Variants in POLA1 observed in about 807,000 individuals in gnomAD.
The protein encoded by POLA1 is DNA polymerase alpha 1, catalytic subunit.
A neutral mutation model predicts 124.0 loss-of-function variants in POLA1; 15 were observed. The observed-to-expected ratio is 0.12, with a 90% CI of 0.08 to 0.19. The LOEUF (loss-of-function observed/expected upper bound fraction) is 0.19. Ranked by LOEUF, POLA1 falls within the 10% of genes least tolerant of loss-of-function variation. The pLI is 1.00. For synonymous variants in POLA1, 408 were observed against 389.4 expected (o/e 1.05, Z -0.56); for missense variants, 886 against 1,103.4 (o/e 0.80, Z 2.79).
chrX:24,869,209 C>T (rs780945625), intron 34 of POLA1, among the ~76,000 whole-genome samples: 1 of 112,840 alleles, frequency 8.9e-6, no homozygotes, highest in Non-Finnish European at 1.9e-5. Context: ...GCTGGGATTA[C>T]AGGCATGAGC....
chrX:24,730,522 A>G (rs1392560353), intron 15 of POLA1, among the ~76,000 whole-genome samples: 3 of 112,465 alleles, frequency 2.7e-5, no homozygotes, highest in Non-Finnish European at 5.6e-5. Flanking sequence ...CTGGGATTAC[A>G]GGCGTGAGCT....
intron 34 of POLA1, among the ~76,000 whole-genome samples, chrX:24,859,360 C>T (rs969813510): frequency 2.7e-5 from 3 of 111,384 alleles, no homozygotes; most frequent in African/African-American, 6.5e-5. Flanking sequence ...ATCTGCCTGC[C>T]GCACTGGAGA....
Position 24,844,903 on chromosome X carries a change from G to A in POLA1, c.4047+1226G>A, listed in dbSNP as rs920532749. 4.5e-5 allele frequency among the ~76,000 whole-genome samples: 5 copies of A among 111,305 alleles called. No individual in the cohort carries two copies. In the Admixed American group the frequency reaches 4.8e-4, roughly 11 times the overall value. On this transcript the variant is annotated intron_variant, in intron 34 of 36. Transcript: ENST00000379068. Reference sequence around the variant, plus strand: ...AAACTATTCAGCTCCTCATTTACAGGCCTCATTGAACAGAGTATGATCCTT... The same window carrying A: ...AAACTATTCAGCTCCTCATTTACAGACCTCATTGAACAGAGTATGATCCTT...
intron 15 of POLA1, among the ~76,000 whole-genome samples, chrX:24,730,738 AG>A (rs1472893360): frequency 8.9e-6 from 1 of 112,486 alleles, no homozygotes; most frequent in East Asian, 2.8e-4. Flanking sequence ...GGACAATGTG[AG>A]GGTAAGAATA....
chrX:24,838,903 TGAA>T (rs2046375468), intron 32 of POLA1, among the ~76,000 whole-genome samples: 1 of 112,235 alleles, frequency 8.9e-6, no homozygotes, highest in African/African-American at 3.3e-5. Flanking sequence ...TAAAGTCTAC[TGAA>T]ACTTCGAAAT....
At chrX:24,783,230 A>G (rs772670511) in intron 26 of POLA1, among the ~76,000 whole-genome samples, 4 of 111,768 alleles carry the variant, frequency 3.6e-5, no homozygotes, top group East Asian at 2.8e-4. Context: ...ATCACTGTCC[A>G]TATATCCACC....
chrX:24,836,403 A>G (rs1476540814), intron 32 of POLA1, among the ~76,000 whole-genome samples: 1 of 111,947 alleles, frequency 8.9e-6, no homozygotes. Context: ...CTAGGCCATC[A>G]GGGACATGTA....
chrX:24,728,444 A>T (rs151272898), intron 15 of POLA1, among the ~76,000 whole-genome samples: 19 of 111,985 alleles, frequency 1.7e-4, no homozygotes, highest in African/African-American at 6.2e-4. Context: ...CCATACTTAC[A>T]TGACTCTGTC....
chrX:24,918,812 G>A (rs889386267), intron 35 of POLA1, among the ~76,000 whole-genome samples: 3 of 110,610 alleles, frequency 2.7e-5, no homozygotes, highest in Non-Finnish European at 5.7e-5. Context: ...GAGATCGCAT[G>A]GTGAGAGAAG....
At chrX:24,994,456 T>C (rs1393260635) in intron 36 of POLA1, among the ~76,000 whole-genome samples, 1 of 112,657 alleles carries the variant, frequency 8.9e-6, no homozygotes, top group East Asian at 2.8e-4. Flanking sequence ...GTTTCCTTCC[T>C]GACCGGTTCC....
At chrX:24,877,595 A>G (rs1319147525) in intron 34 of POLA1, among the ~76,000 whole-genome samples, 1 of 111,908 alleles carries the variant, frequency 8.9e-6, no homozygotes, top group Non-Finnish European at 1.9e-5. Context: ...AAGGTTTGTC[A>G]CCATGATGAT....
chrX:24,781,617 ATTG>A (rs771000925), intron 26 of POLA1, among the ~76,000 whole-genome samples: 1 of 111,716 alleles, frequency 9.0e-6, no homozygotes, highest in South Asian at 3.8e-4. Flanking sequence ...AGTGGGAGAA[ATTG>A]TTGTCACTTT....
At position 24,779,835 on chromosome X, in the gene POLA1, G is replaced by C. The variant is rs1216368094; in HGVS notation, c.2965-30063G>C. Among the ~76,000 whole-genome samples the C allele has an allele frequency of 5.4e-5, 6 of 112,100 alleles. No individual in the cohort carries two copies. In the Admixed American group the frequency reaches 5.6e-4, roughly 11 times the overall value. ...AAAGTCACACAACTAGTAATGAGTA[G>C]AGCCAGGATGCAAATCCAGTCATTT... On this transcript the variant is annotated intron_variant, in intron 26 of 36. Transcript: ENST00000379068.
intron 4 of POLA1, among the ~76,000 whole-genome samples, chrX:24,708,921 G>GC (rs1442262872): frequency 7.2e-5 from 3 of 41,930 alleles, no homozygotes; most frequent in African/African-American, 1.7e-4. Flanking sequence ...AGACGGGGTG[G>GC]TGGCCGGGCA....
chrX:24,845,020 T>C (rs984639164), intron 34 of POLA1, among the ~76,000 whole-genome samples: 1 of 112,013 alleles, frequency 8.9e-6, no homozygotes, highest in Non-Finnish European at 1.9e-5. Context: ...AAGAAACTTA[T>C]CTATTTCCTT....
At chrX:24,969,164 C>G (rs748207487) in intron 36 of POLA1, among the ~76,000 whole-genome samples, 5 of 107,790 alleles carry the variant, frequency 4.6e-5, no homozygotes, top group African/African-American at 1.4e-4. Context: ...GCCAAGATCG[C>G]GCCACTGCAC....
chrX:24,835,928 A>C (rs970550041), intron 32 of POLA1, among the ~76,000 whole-genome samples: 2 of 111,664 alleles, frequency 1.8e-5, no homozygotes, highest in African/African-American at 6.5e-5. Context: ...ACATGCATAC[A>C]GAAAAGTACA....
intron 24 of POLA1, among the ~76,000 whole-genome samples, chrX:24,746,020 A>G (rs1357090937): frequency 9.0e-6 from 1 of 111,533 alleles, no homozygotes; most frequent in East Asian, 2.8e-4. Context: ...GTGTAGGTGT[A>G]TACACATACA....
At chrX:24,892,455 T>G (rs755185659) in intron 35 of POLA1, among the ~76,000 whole-genome samples, 43 of 111,606 alleles carry the variant, frequency 3.9e-4, no homozygotes, top group African/African-American at 1.3e-3. Flanking sequence ...ATACTGGTGA[T>G]AGAGATGAGA....
Sources: allele counts gnomAD v4.1 joint callset (sites outside exome capture counted in the v4.1 genomes callset), GRCh38; gene constraint gnomAD v4.1.1; transcripts MANE v1.5; gene names NCBI Gene and HGNC (gene_info 2026-07-23, HGNC 2026-07-21).